The following DPF3 variants were observed in gnomAD, a reference collection of about 807,000 sequenced individuals.
DPF3 encodes the protein double PHD fingers 3.
DPF3 carries 18 observed loss-of-function variants against 56.8 expected under a neutral mutation model. That is an observed-to-expected ratio of 0.32 (90% confidence interval 0.22 to 0.47). The LOEUF is 0.47. Ranked by LOEUF, DPF3 falls within the 20% of genes least tolerant of loss-of-function variation. The pLI, the probability that DPF3 is intolerant of heterozygous loss-of-function variation, is 1.00. For synonymous variants in DPF3, 188 were observed against 180.2 expected (o/e 1.04, Z -0.35); for missense variants, 403 against 488.8 (o/e 0.82, Z 1.65).
chr14:72,628,429 T>C lies in DPF3; in HGVS notation c.984+1195A>G, dbSNP rs367730125. Among the ~76,000 whole-genome samples, 10 of 152,220 alleles carry C rather than the reference T, an allele frequency of 6.6e-5. No individual in the cohort carries two copies. The East Asian group carries it at 7.7e-4, about 12-fold the overall frequency. On this transcript the variant is annotated intron_variant, in intron 9 of 10. Coordinates refer to ENST00000556509, the MANE Select transcript of DPF3 (RefSeq NM_001280542.3). ...CACCTGAAGGTAACCAAATGAAAGA[T>C]TGGGCAAGTTTATCTTCCTGGAATT...
intron 2 of DPF3, among the ~76,000 whole-genome samples, chr14:72,768,036 A>G (rs561276111): frequency 1.3e-5 from 2 of 152,324 alleles, no homozygotes; most frequent in East Asian, 3.9e-4. Flanking sequence ...TCAACTCAGA[A>G]TTTTATATCC....
intron 1 of DPF3, among the ~76,000 whole-genome samples, chr14:72,825,690 TGCCCAGCCCAGCCCAGCCCA>T (rs71961480): frequency 7.5e-5 from 11 of 147,474 alleles, no homozygotes; most frequent in African/African-American, 2.3e-4. Context: ...CCACAGGCTC[TGCCCAGCCCAGCCCAGCCCA>T]GCCCAGCCCA....
At chr14:72,882,069 G>C (rs1886347187) in intron 1 of DPF3, among the ~76,000 whole-genome samples, 1 of 152,010 alleles carries the variant, frequency 6.6e-6, no homozygotes, top group African/African-American at 2.4e-5. Flanking sequence ...CTTTCTACTT[G>C]ATCTGCAAAG....
At chr14:72,821,155 G>C (rs1883521005) in intron 1 of DPF3, among the ~76,000 whole-genome samples, 1 of 140,412 alleles carries the variant, frequency 7.1e-6, no homozygotes, top group African/African-American at 2.5e-5. Context: ...AAAAAAATTA[G>C]CGGGCGTGGT....
At chr14:72,710,412 C>A (rs1888602767) in intron 6 of DPF3, among the ~76,000 whole-genome samples, 1 of 152,220 alleles carries the variant, frequency 6.6e-6, no homozygotes, top group African/African-American at 2.4e-5. Flanking sequence ...CAGTGGCAAC[C>A]TGCCTGGAGA....
intron 1 of DPF3, among the ~76,000 whole-genome samples, chr14:72,830,935 C>T (rs12147969): frequency 0.2 from 30,060 of 152,098 alleles, 3,236 homozygotes; most frequent in Middle Eastern, 0.38. Context: ...TGGCGCACCT[C>T]GGGCCTCTGC....
intron 8 of DPF3, chr14:72,671,222 C>T: frequency 1.9e-6 from 3 of 1,613,968 alleles, no homozygotes; most frequent in Non-Finnish European, 2.5e-6. Flanking sequence ...AAATCGTCCT[C>T]ATCAAAGCCG....
At chr14:72,714,139 C>T (rs746947955) in intron 6 of DPF3, among the ~76,000 whole-genome samples, 7 of 152,120 alleles carry the variant, frequency 4.6e-5, no homozygotes, top group Admixed American at 6.5e-5. Flanking sequence ...GAGAGAGAGC[C>T]GGAGGAGAGC....
chr14:72,793,191 G>A (rs1482371291), intron 1 of DPF3, among the ~76,000 whole-genome samples: 3 of 152,210 alleles, frequency 2.0e-5, no homozygotes, highest in Admixed American at 1.3e-4. Flanking sequence ...ATAATTTGAA[G>A]GAGATCTGGA....
At chr14:72,666,905 A>G (rs918056758) in intron 8 of DPF3, among the ~76,000 whole-genome samples, 2 of 152,226 alleles carry the variant, frequency 1.3e-5, no homozygotes, top group Admixed American at 6.5e-5. Flanking sequence ...GTTCAAGATC[A>G]TATTCATCAG....
intron 5 of DPF3, 75 bp from the exon 6 acceptor site, chr14:72,714,576 C>G: frequency 6.5e-7 from 1 of 1,538,892 alleles, no homozygotes; most frequent in Non-Finnish European, 8.9e-7. Context: ...GCTCTGCGAG[C>G]TCCTTACACC....
intron 1 of DPF3, among the ~76,000 whole-genome samples, chr14:72,867,737 G>GT (rs1372275516): frequency 6.6e-6 from 1 of 152,022 alleles, no homozygotes; most frequent in African/African-American, 2.4e-5. Flanking sequence ...CAATAAGTTT[G>GT]TTTTTTGTTT....
chr14:72,640,278 T>G (rs140986681), intron 8 of DPF3, among the ~76,000 whole-genome samples: 35 of 152,242 alleles, frequency 2.3e-4, no homozygotes, highest in Admixed American at 8.5e-4. Context: ...CAGTGGGGAC[T>G]CCTCGGAGGT....
intron 4 of DPF3, among the ~76,000 whole-genome samples, chr14:72,729,980 G>A (rs2139852820): frequency 6.6e-6 from 1 of 152,328 alleles, no homozygotes; most frequent in African/African-American, 2.4e-5. Context: ...CACCACTCTA[G>A]TGGAGGATGT....
At chr14:72,854,969 A>G (rs2140089052) in intron 1 of DPF3, among the ~76,000 whole-genome samples, 1 of 152,332 alleles carries the variant, frequency 6.6e-6, no homozygotes, top group East Asian at 1.9e-4. Flanking sequence ...GAAGGGAAGT[A>G]GGCTAAGAAA....
chr14:72,872,348 C>T (rs1438344161), intron 1 of DPF3, among the ~76,000 whole-genome samples: 1 of 152,246 alleles, frequency 6.6e-6, no homozygotes, highest in Non-Finnish European at 1.5e-5. Flanking sequence ...ATACTTGCTA[C>T]TTATGCAAAT....
Position 72,611,545 on chromosome 14 carries a change from G to A in DPF3, c.*7752C>T, listed in dbSNP as rs1374731441. ...CCAGTCCCGCTCTCTGCTTTCTCTA[G>A]CAGGGAAAAGACCACTGTGGGGGTC... On this transcript the variant is annotated 3_prime_UTR_variant, in exon 11 of 11. Coordinates refer to ENST00000556509, the MANE Select transcript of DPF3 (RefSeq NM_001280542.3). Among the ~76,000 whole-genome samples the A allele has an allele frequency of 1.3e-5, 2 of 151,862 alleles. No individual in the cohort carries two copies. The highest frequency in any genetic ancestry group is 4.8e-5 in the African/African-American group (2 of 41,374).
At chr14:72,680,922 G>T (rs1887139947) in intron 7 of DPF3, among the ~76,000 whole-genome samples, 1 of 152,218 alleles carries the variant, frequency 6.6e-6, no homozygotes, top group South Asian at 2.1e-4. Context: ...ATTATAATCA[G>T]GTGAAGAAAG....
rs1555488399 is a variant in DPF3, at chr14:72,614,777, G to GGAAAAAAAAAAA, written c.*4519_*4520insTTTTTTTTTTTC. 9.4e-4 allele frequency among the ~76,000 whole-genome samples: 90 copies of GGAAAAAAAAAAA among 96,056 alleles called. No individual in the cohort carries two copies. The highest frequency in any genetic ancestry group is 4.2e-3 in the South Asian group (9 of 2,156). The allele number at this position is 96,056 out of a possible 152,430, so 63.0% of individuals were successfully genotyped here. ...CTGTTGCCCAGGATCACAAGCCTCA[G>GGAAAAAAAAAAA]AAAAAAAAAAAAGAGTTACAATCAC... On this transcript the variant is annotated 3_prime_UTR_variant, in exon 11 of 11. Transcript: ENST00000556509.
Sources: allele counts gnomAD v4.1 joint callset (sites outside exome capture counted in the v4.1 genomes callset), GRCh38; gene constraint gnomAD v4.1.1; transcripts MANE v1.5; gene names NCBI Gene and HGNC (gene_info 2026-07-23, HGNC 2026-07-21).